Variants in CFI observed in about 807,000 individuals in gnomAD.
The protein encoded by CFI is C3B/C4B inactivator.
In CFI, 66 loss-of-function variants were observed where a neutral mutation model predicts 78.8. That is an observed-to-expected ratio of 0.84 (90% CI 0.69 to 1.03). CFI has a LOEUF of 1.03. CFI is among the 50% of genes least tolerant of loss of function. The pLI is 0.00. For synonymous variants in CFI, 250 were observed against 232.6 expected, an observed-to-expected ratio of 1.07 and a Z score of -0.68; for missense variants, 706 against 704.5, an observed-to-expected ratio of 1.00 and a Z score of -0.02.
rs547805157 is a variant in CFI, at chr4:109,764,467, G to A, written c.482+70C>T. 5.9e-6 allele frequency: 9 copies of A among 1,518,930 alleles called. No homozygotes were observed. In the East Asian group the frequency reaches 6.8e-5, roughly 11 times the overall value. The allele number at this position is 1,518,930 out of a possible 1,614,324, so 94.1% of individuals were successfully genotyped here. A position where few individuals can be genotyped will look rare whatever the true frequency, so the allele number is the denominator to read the frequency against. ...CATATGGAAATTAATACACAGAAAGGTTAGGTAATCAAAAAGCAAACAGAA... is the reference window on the plus strand; with the variant it reads ...CATATGGAAATTAATACACAGAAAGATTAGGTAATCAAAAAGCAAACAGAA... On this transcript the variant is annotated intron_variant, in intron 3 of 12. Coordinates refer to ENST00000394634, the MANE Select transcript of CFI (RefSeq NM_000204.5).
intron 6 of CFI, among the ~76,000 whole-genome samples, chr4:109,759,019 G>A (rs547933926): frequency 3.9e-4 from 60 of 152,322 alleles, no homozygotes; most frequent in Non-Finnish European, 7.5e-4. Flanking sequence ...CTTGAACCCA[G>A]GAGGCAGAGG....
chr4:109,747,783 G>C, intron 10 of CFI, among the ~76,000 whole-genome samples: 1 of 152,114 alleles, frequency 6.6e-6, no homozygotes, highest in East Asian at 1.9e-4. Flanking sequence ...ATGGAACTGT[G>C]GAAAACTCGG....
chr4:109,751,123 C>T (rs1725080262), intron 8 of CFI, among the ~76,000 whole-genome samples: 1 of 152,164 alleles, frequency 6.6e-6, no homozygotes, highest in African/African-American at 2.4e-5. Context: ...TTCTAAGGAA[C>T]TGGACATGTC....
At position 109,742,485 on chromosome 4, in the gene CFI, A is replaced by G. The variant is rs774215633; in HGVS notation, c.1534+6T>C. 1 of 1,584,524 alleles carries G rather than the reference A, an allele frequency of 6.3e-7. No individual in the cohort carries two copies. Among genetic ancestry groups the G allele is most frequent in the Admixed American group, 1.7e-5 (1 of 59,952 alleles). ...TGACATCTTGGATAAACCACTTGGC[A>G]CTTACCTGCACATTCCATTTCTTTT... On this transcript the variant is annotated splice_donor_region_variant and intron_variant, in intron 12 of 12. Transcript: ENST00000394634.
At chr4:109,778,617 C>T (rs1729587792) in intron 1 of CFI, among the ~76,000 whole-genome samples, 1 of 152,140 alleles carries the variant, frequency 6.6e-6, no homozygotes. Flanking sequence ...GGGAATCCTC[C>T]CTAATTCATT....
At chr4:109,744,530 G>T (rs1465109975) in intron 11 of CFI, among the ~76,000 whole-genome samples, 1 of 152,070 alleles carries the variant, frequency 6.6e-6, no homozygotes, top group Non-Finnish European at 1.5e-5. Context: ...ATTGGGACTG[G>T]CTATACCCTT....
chr4:109,770,314 C>T (rs889849239), intron 1 of CFI, among the ~76,000 whole-genome samples: 2 of 152,096 alleles, frequency 1.3e-5, no homozygotes, highest in Admixed American at 6.5e-5. Flanking sequence ...AATCCCAGCA[C>T]TTTGGGAGGC....
At chr4:109,755,587 A>T (rs933347315) in intron 7 of CFI, among the ~76,000 whole-genome samples, 3 of 152,126 alleles carry the variant, frequency 2.0e-5, no homozygotes, top group Non-Finnish European at 4.4e-5. Context: ...TATATACAAA[A>T]GTGAGTTCGG....
chr4:109,761,376 T>A, intron 4 of CFI, 141 bp downstream of exon 4: 1 of 858,770 alleles, frequency 1.2e-6, no homozygotes, highest in South Asian at 1.4e-5. Flanking sequence ...CAATTTAGAC[T>A]CTAAAGCCCA....
intron 1 of CFI, among the ~76,000 whole-genome samples, chr4:109,784,891 CT>C (rs1429842112): frequency 9.9e-5 from 12 of 121,420 alleles, no homozygotes; most frequent in African/African-American, 4.4e-4. Context: ...CCTGAAGCAA[CT>C]GAAAGAACCA....
chr4:109,764,759 T>G, intron 2 of CFI, 69 bp from the exon 3 acceptor site: 2 of 1,372,170 alleles, frequency 1.5e-6, no homozygotes, highest in Non-Finnish European at 2.0e-6. Context: ...TAAAAGTCTT[T>G]AAAAATAATA....
chr4:109,788,835 T>C (rs1731044502), intron 1 of CFI, among the ~76,000 whole-genome samples: 1 of 152,050 alleles, frequency 6.6e-6, no homozygotes, highest in Non-Finnish European at 1.5e-5. Context: ...GCAAAATTAA[T>C]AATATTTGAC....
intron 7 of CFI, among the ~76,000 whole-genome samples, chr4:109,753,777 AAT>A (rs1725715293): frequency 8.7e-6 from 1 of 114,768 alleles, no homozygotes; most frequent in Non-Finnish European, 1.6e-5. Context: ...TATATTATCT[AAT>A]GTATAATTTT....
At chr4:109,800,132 C>T (rs998476724) in intron 1 of CFI, among the ~76,000 whole-genome samples, 4 of 152,032 alleles carry the variant, frequency 2.6e-5, no homozygotes, top group Non-Finnish European at 5.9e-5. Context: ...CTGTGTGCCA[C>T]CCTTGTTTCC....
intron 1 of CFI, among the ~76,000 whole-genome samples, chr4:109,790,652 C>G (rs1316646262): frequency 2.0e-5 from 3 of 152,110 alleles, no homozygotes; most frequent in African/African-American, 7.2e-5. Flanking sequence ...TATGTGTTCT[C>G]ATAATTTAGC....
intron 7 of CFI, among the ~76,000 whole-genome samples, chr4:109,756,015 A>G (rs1051182480): frequency 1.3e-5 from 2 of 151,990 alleles, no homozygotes; most frequent in Admixed American, 1.3e-4. Flanking sequence ...AAAGAAAAAA[A>G]GGAAATAGAG....
intron 7 of CFI, among the ~76,000 whole-genome samples, chr4:109,754,397 C>T (rs1277968739): frequency 3.0e-5 from 4 of 131,328 alleles, no homozygotes; most frequent in East Asian, 2.3e-4. Context: ...CATTAGGCAT[C>T]TGGGATGCAG....
In CFI at chr4:109,746,444, C is replaced by A; in HGVS notation, c.1207G>T (p.Asp403Tyr). Reference protein sequence around the residue: ...WTTVVDWIHPDLKRIVIEYVD... With the variant: ...WTTVVDWIHPYLKRIVIEYVD... ...TATTCAATTACTATACGTTTAAGGTCGGGGTGTATCCAGTCTACTACTGTT... is the reference window on the plus strand; with the variant it reads ...TATTCAATTACTATACGTTTAAGGTAGGGGTGTATCCAGTCTACTACTGTT... Residue 403 changes from aspartate (D) to tyrosine (Y), a missense_variant, in exon 11 of 13, where the codon GAC becomes TAC. Coordinates refer to ENST00000394634, the MANE Select transcript of CFI (RefSeq NM_000204.5). The A allele has an allele frequency of 6.2e-7, 1 of 1,613,448 alleles. No individual in the cohort carries two copies. Among genetic ancestry groups the A allele is most frequent in the South Asian group, 1.1e-5 (1 of 91,044 alleles).
At chr4:109,788,890 C>T (rs187345927) in intron 1 of CFI, among the ~76,000 whole-genome samples, 6 of 151,924 alleles carry the variant, frequency 3.9e-5, no homozygotes, top group Admixed American at 3.9e-4. Context: ...TAAAATATGA[C>T]CCATGATGAG....
Sources: allele counts gnomAD v4.1 joint callset (sites outside exome capture counted in the v4.1 genomes callset), GRCh38; gene constraint gnomAD v4.1.1; transcripts MANE v1.5; gene names NCBI Gene and HGNC (gene_info 2026-07-23, HGNC 2026-07-21).